TARS3: variants seen among roughly 807,000 people sequenced by gnomAD.
TARS3 encodes threonine--tRNA ligase 2, cytoplasmic.
Under a neutral mutation model 103.5 loss-of-function variants are expected in TARS3, and 94 were observed. That is an observed-to-expected ratio of 0.91 (90% CI 0.77 to 1.08). The LOEUF is 1.08. Among genes scored for constraint, TARS3 ranks in the 50% least tolerant of loss-of-function variants. The probability of loss-of-function intolerance (pLI) is 0.00; values close to 1 mark genes in which losing one functional copy is unlikely to be tolerated. For missense variants in TARS3, 952 were observed against 995.2 expected (o/e 0.96, Z 0.58); for synonymous variants, 416 against 355.4 (o/e 1.17, Z -1.92).
At chr15:101,699,951 A>G (rs553539231) in intron 10 of TARS3, among the ~76,000 whole-genome samples, 1 of 152,316 alleles carries the variant, frequency 6.6e-6, no homozygotes, top group East Asian at 1.9e-4. Context: ...GGGAGTGGCC[A>G]AGATGATGAT....
At chr15:101,690,103 A>G (rs1898648672) in intron 10 of TARS3, among the ~76,000 whole-genome samples, 1 of 152,172 alleles carries the variant, frequency 6.6e-6, no homozygotes, top group Admixed American at 6.5e-5. Context: ...GGAGGAAACC[A>G]ATGTCCTCAG....
chr15:101,697,437 C>A (rs1023232659), intron 10 of TARS3, among the ~76,000 whole-genome samples: 7 of 152,016 alleles, frequency 4.6e-5, no homozygotes, highest in Non-Finnish European at 2.9e-5. Context: ...GACGTCCAGG[C>A]AGAATGTAGA....
At chr15:101,679,191 T>C (rs948268285) in intron 12 of TARS3, among the ~76,000 whole-genome samples, 8 of 152,180 alleles carry the variant, frequency 5.3e-5, no homozygotes, top group Non-Finnish European at 8.8e-5. Context: ...ATTTGGCAAG[T>C]TGTCAGCTAT....
intron 15 of TARS3, among the ~76,000 whole-genome samples, chr15:101,670,143 A>G (rs766447083): frequency 6.6e-6 from 1 of 152,276 alleles, no homozygotes; most frequent in Non-Finnish European, 1.5e-5. Flanking sequence ...ATGATCCATA[A>G]AAGAAAAAAA....
At chr15:101,675,509 C>A in intron 13 of TARS3, 91 bp downstream of exon 13, 1 of 1,301,584 alleles carries the variant, frequency 7.7e-7, no homozygotes. Flanking sequence ...ATTTCTATTA[C>A]AAATTATTGC....
chr15:101,675,209 G>A (rs1355896063), intron 13 of TARS3, among the ~76,000 whole-genome samples: 1 of 152,160 alleles, frequency 6.6e-6, no homozygotes, highest in Non-Finnish European at 1.5e-5. Context: ...AGGGGACTAT[G>A]CACATCTACA....
chr15:101,722,729 G>A (rs573897), intron 2 of TARS3, among the ~76,000 whole-genome samples: 3 of 149,036 alleles, frequency 2.0e-5, no homozygotes, highest in Non-Finnish European at 4.4e-5. Context: ...TGAGGCAGGA[G>A]AATCGCTTGA....
At position 101,701,166 on chromosome 15, in the gene TARS3, A is replaced by T; in HGVS notation, c.1240T>A (p.Phe414Ile). Residue 414 changes from phenylalanine to isoleucine, a missense_variant, in exon 10 of 19, where the codon TTC (phenylalanine) becomes ATC (isoleucine). Around this residue, in one of 2 missense-constraint regions of TARS3, gnomAD observed 540 missense variants for 631.0 expected, o/e 0.86. Coordinates refer to ENST00000335968, the MANE Select transcript of TARS3 (RefSeq NM_152334.3). Reference sequence around the variant, plus strand: ...CAGCTTCCAGGACTCAAATCGTGGAAAAAGAAAAGTTCTTGTTCCTAGATT... The same window carrying T: ...CAGCTTCCAGGACTCAAATCGTGGATAAAGAAAAGTTCTTGTTCCTAGATT... Reference protein sequence around the residue: ...KIGKEQELFFFHDLSPGSCFF... With the variant: ...KIGKEQELFFIHDLSPGSCFF... 6.3e-7 allele frequency: 1 copy of T among 1,594,780 alleles called. No individual in the cohort carries two copies. The highest frequency in any genetic ancestry group is 2.2e-5 in the East Asian group (1 of 44,678).
At chr15:101,701,045 C>T (rs745974042) in intron 10 of TARS3, 41 bp downstream of exon 10, 1 of 1,285,850 alleles carries the variant, frequency 7.8e-7, no homozygotes, top group Non-Finnish European at 1.1e-6. Flanking sequence ...AAAATGTAAA[C>T]TGGAATTGAA....
intron 10 of TARS3, chr15:101,695,736 G>C (rs1474384773): frequency 6.6e-6 from 1 of 151,902 alleles, no homozygotes; most frequent in South Asian, 2.1e-4. Flanking sequence ...AACCCCATCT[G>C]TACTAAAAAT....
chr15:101,695,355 C>A (rs909196479), intron 10 of TARS3, among the ~76,000 whole-genome samples: 3 of 152,174 alleles, frequency 2.0e-5, no homozygotes, highest in Non-Finnish European at 4.4e-5. Context: ...GGAATGGTGC[C>A]TTATGCATTC....
chr15:101,686,153 G>T, intron 10 of TARS3, 91 bp from the exon 11 acceptor site: 1 of 1,200,324 alleles, frequency 8.3e-7, no homozygotes, highest in Non-Finnish European at 1.2e-6. Flanking sequence ...TTTCAAATTG[G>T]GCTCATGTCC....
At chr15:101,719,758 T>C (rs1388565013) in intron 3 of TARS3, among the ~76,000 whole-genome samples, 2 of 152,150 alleles carry the variant, frequency 1.3e-5, no homozygotes, top group African/African-American at 4.8e-5. Context: ...AAACCCTACC[T>C]AGGAGACAGC....
rs534950193 is a variant in TARS3, at chr15:101,656,968, AT to A, written c.2213del (p.Asn738IlefsTer24). Reference protein sequence around the residue: ...DVDLDHSCTLNKKIRNAQLAQ... With the variant: ...DVDLDHSCTLXKKIRNAQLAQ... The stretch of plus-strand genomic sequence containing the variant: ...CCAGCTGTGCATTTCGTATTTTCTT[AT>A]TTAGTGTACAACTGTGATCCAAGTC... On this transcript the variant is annotated frameshift_variant, in exon 18 of 19. Coordinates refer to ENST00000335968, the MANE Select transcript of TARS3 (RefSeq NM_152334.3). LOFTEE classifies it high-confidence loss of function. 2.5e-6 allele frequency: 4 copies of A among 1,613,678 alleles called. No individual in the cohort carries two copies. The highest frequency in any genetic ancestry group is 3.4e-6 in the Non-Finnish European group (4 of 1,179,720).
At chr15:101,689,450 G>A (rs1898613467) in intron 10 of TARS3, among the ~76,000 whole-genome samples, 1 of 152,166 alleles carries the variant, frequency 6.6e-6, no homozygotes, top group Non-Finnish European at 1.5e-5. Context: ...GGTCTTTATA[G>A]AGGTAATCAA....
chr15:101,657,654 CCTG>C (rs1233081862), intron 17 of TARS3, 128 bp downstream of exon 17: 1 of 542,662 alleles, frequency 1.8e-6, no homozygotes, highest in African/African-American at 1.9e-5. Context: ...GTTACTCCCA[CCTG>C]CTGAAAACAC....
At chr15:101,719,911 A>G (rs928206298) in intron 3 of TARS3, among the ~76,000 whole-genome samples, 12 of 152,160 alleles carry the variant, frequency 7.9e-5, no homozygotes, top group African/African-American at 2.9e-4. Context: ...TGGCTGATCA[A>G]TTCAGGGGGT....
chr15:101,677,068 T>G (rs539158919), intron 12 of TARS3, among the ~76,000 whole-genome samples: 1 of 152,362 alleles, frequency 6.6e-6, no homozygotes, highest in African/African-American at 2.4e-5. Context: ...AGTTTGGTTT[T>G]CTATTCCTGT....
At chr15:101,668,195 T>C (rs1897655725) in intron 15 of TARS3, among the ~76,000 whole-genome samples, 1 of 152,220 alleles carries the variant, frequency 6.6e-6, no homozygotes, top group African/African-American at 2.4e-5. Flanking sequence ...TCAACAGTCC[T>C]TCCTCACCAA....
Sources: allele counts gnomAD v4.1 joint callset (sites outside exome capture counted in the v4.1 genomes callset), GRCh38; gene constraint gnomAD v4.1.1; regional missense constraint gnomAD v4.1.1; transcripts MANE v1.5; gene names NCBI Gene and HGNC (gene_info 2026-07-23, HGNC 2026-07-21).